Variants in UBA52 observed in about 807,000 individuals in gnomAD.
UBA52 encodes the protein ubiquitin A-52 residue ribosomal protein fusion product 1, also known as ubiquitin-ribosomal protein eL40 fusion protein.
Under a neutral mutation model 15.3 loss-of-function variants are expected in UBA52, and 1 was observed. The observed-to-expected ratio is 0.07, with a 90% CI of 0.02 to 0.31. The LOEUF is 0.31. UBA52 is among the 10% of genes least tolerant of loss of function. The pLI, the probability that UBA52 is intolerant of heterozygous loss-of-function variation, is 1.00. For missense variants in UBA52, 87 were observed against 168.0 expected (o/e 0.52, Z 2.66); for synonymous variants, 50 against 58.3 (o/e 0.86, Z 0.65).
At chr19:18,574,040 C>G (rs915300417) in intron 3 of UBA52, among the ~76,000 whole-genome samples, 1 of 151,948 alleles carries the variant, frequency 6.6e-6, no homozygotes, top group African/African-American at 2.4e-5. Context: ...AATCCCAGCA[C>G]TTCGGGAGGC....
chr19:18,569,985 C>G (rs998538296), upstream of UBA52, among the ~76,000 whole-genome samples: 1 of 152,082 alleles, frequency 6.6e-6, no homozygotes, highest in Non-Finnish European at 1.5e-5. Context: ...GAGCCAAGAT[C>G]GCACCACTGC....
At chr19:18,566,083 G>A in the UBA52 span, among the ~76,000 whole-genome samples, 4 of 152,038 alleles carry the variant, frequency 2.6e-5, no homozygotes, top group Non-Finnish European at 4.4e-5. Flanking sequence ...CATCCACCTC[G>A]ACCTCCCAAA....
At chr19:18,566,348 T>G in the UBA52 span, among the ~76,000 whole-genome samples, 1 of 151,580 alleles carries the variant, frequency 6.6e-6, no homozygotes, top group Non-Finnish European at 1.5e-5. Context: ...GGCGTCTGTA[T>G]TGCCAGCTAC....
chr19:18,573,552 A>T, intron 2 of UBA52, 110 bp from the exon 3 acceptor site: 1 of 1,339,428 alleles, frequency 7.5e-7, no homozygotes, highest in Non-Finnish European at 1.1e-6. Flanking sequence ...GTTATCTTCT[A>T]CCTCAGTTGG....
At chr19:18,572,632 T>G in intron 1 of UBA52, 9 of 246,928 alleles carry the variant, frequency 3.6e-5, no homozygotes, top group Non-Finnish European at 5.2e-5. Flanking sequence ...GCCCGGTCGA[T>G]TCTTTGTCTT....
intron 3 of UBA52, 178 bp downstream of exon 3, chr19:18,573,926 G>T (rs1393520479): frequency 1.3e-5 from 8 of 606,458 alleles, no homozygotes; most frequent in Non-Finnish European, 2.3e-5. Flanking sequence ...TTAGGCGGGT[G>T]GATCACCTGA....
At chr19:18,569,176 C>T (rs879140746), upstream of UBA52, 8 of 159,290 alleles carry the variant, frequency 5.0e-5, no homozygotes, top group South Asian at 1.4e-3. Flanking sequence ...GCTGGCCATC[C>T]ATTCAGCCCT....
At position 18,573,240 on chromosome 19, in the gene UBA52, C is replaced by T. The variant is rs557573267; in HGVS notation, c.-8-53C>T. On this transcript the variant is annotated intron_variant, in intron 1 of 4. Transcript: ENST00000442744. The stretch of plus-strand genomic sequence containing the variant: ...TGTGGTGTAGGCACCTGAGCTTGTG[C>T]TACTCAGGCATGCATTGCTCACCAG... 9.8e-5 allele frequency: 149 copies of T among 1,525,888 alleles called. No homozygotes were observed. In the African/African-American group the frequency reaches 1.7e-3, roughly 17 times the overall value. 94.5% of individuals were successfully genotyped at this position (1,525,888 alleles called of 1,614,324 possible).
chr19:18,564,841 G>T, the UBA52 span: 1 of 1,611,980 alleles, frequency 6.2e-7, no homozygotes. Flanking sequence ...GCTGGGCAGT[G>T]AAGCTCATGC....
the UBA52 span, among the ~76,000 whole-genome samples, chr19:18,565,968 G>A: frequency 1.3e-5 from 2 of 152,304 alleles, no homozygotes; most frequent in South Asian, 4.1e-4. Context: ...GATTACAGGT[G>A]TGAGCCTAAT....
At chr19:18,567,159 G>A (rs1183186486), upstream of UBA52, 1 of 1,614,174 alleles carries the variant, frequency 6.2e-7, no homozygotes. Flanking sequence ...TGGCCAGGCA[G>A]CACCCAGAGG....
chr19:18,574,762 C>A, intron 3 of UBA52, 108 bp from the exon 4 acceptor site: 1 of 1,375,340 alleles, frequency 7.3e-7, no homozygotes, highest in Non-Finnish European at 9.9e-7. Context: ...CTTGGTGTCC[C>A]CATCACACTT....
intron 2 of UBA52, 117 bp from the exon 3 acceptor site, chr19:18,573,545 A>G: frequency 7.5e-7 from 1 of 1,326,992 alleles, no homozygotes; most frequent in Non-Finnish European, 1.1e-6. Flanking sequence ...AACGTTTGTT[A>G]TCTTCTACCT....
intron 4 of UBA52, 33 bp from the exon 5 acceptor site, chr19:18,575,024 A>G (rs750837476): frequency 1.2e-6 from 2 of 1,614,156 alleles, no homozygotes; most frequent in South Asian, 1.1e-5. Context: ...GAGTCGGGGT[A>G]TGCCCTCACC....
At chr19:18,564,804 C>T in the UBA52 span, 3 of 1,585,272 alleles carry the variant, frequency 1.9e-6, no homozygotes, top group African/African-American at 4.0e-5. Context: ...GAACAGTCTT[C>T]TGGGCCAGGT....
At chr19:18,567,951 G>C (rs1975334470), upstream of UBA52, among the ~76,000 whole-genome samples, 1 of 152,126 alleles carries the variant, frequency 6.6e-6, no homozygotes, top group African/African-American at 2.4e-5. Context: ...CTGGGCCTCA[G>C]TTTTCTCCTC....
At chr19:18,569,527 C>A (rs1326611247), upstream of UBA52, 2 of 151,858 alleles carry the variant, frequency 1.3e-5, no homozygotes, top group Non-Finnish European at 2.9e-5. Context: ...TTTTTTGGAA[C>A]CCCCCCTGGT....
upstream of UBA52, among the ~76,000 whole-genome samples, chr19:18,566,934 G>A (rs571049733): frequency 1.5e-4 from 23 of 152,348 alleles, 1 homozygote; most frequent in Admixed American, 5.9e-4. Flanking sequence ...GCTGGAGGCC[G>A]GCTGGTGGGC....
chr19:18,571,515 A>G (rs1183034975), upstream of UBA52, among the ~76,000 whole-genome samples: 1 of 152,184 alleles, frequency 6.6e-6, no homozygotes, highest in African/African-American at 2.4e-5. Context: ...CTGGACCCGC[A>G]GTCCTCTGCT....
Sources: gnomAD v4.1 joint callset for allele counts (sites outside exome capture counted in the v4.1 genomes callset) on GRCh38, gnomAD v4.1.1 for gene constraint, MANE v1.5 for transcripts, NCBI Gene and HGNC (gene_info 2026-07-23, HGNC 2026-07-21) for gene names.